The following SAMMSON variants were observed in gnomAD, a reference collection of about 807,000 sequenced individuals.
The protein encoded by SAMMSON is long intergenic non-protein coding RNA 1212.
chr3:70,304,002 A>G (rs1268150255), intron 7 of SAMMSON, among the ~76,000 whole-genome samples: 1 of 152,186 alleles, frequency 6.6e-6, no homozygotes, highest in Non-Finnish European at 1.5e-5. Context: ...TTTAGAGAAT[A>G]AAATGTAGTA....
chr3:70,000,636 C>A (rs1217254943), intron 1 of SAMMSON, among the ~76,000 whole-genome samples: 3 of 152,126 alleles, frequency 2.0e-5, no homozygotes, highest in Non-Finnish European at 2.9e-5. Context: ...TATTAGTTAA[C>A]AAATTCAAGT....
intron 4 of SAMMSON, among the ~76,000 whole-genome samples, chr3:70,243,435 CTCTT>C (rs1404922003): frequency 6.6e-6 from 1 of 152,166 alleles, no homozygotes; most frequent in Non-Finnish European, 1.5e-5. Flanking sequence ...CTGCACTGCT[CTCTT>C]TCTTTCAGAG....
chr3:70,167,956 C>T (rs1290157903), intron 4 of SAMMSON, among the ~76,000 whole-genome samples: 2 of 151,854 alleles, frequency 1.3e-5, no homozygotes, highest in South Asian at 2.1e-4. Context: ...ATGGAAAAGG[C>T]GACGGTTTTG....
intron 3 of SAMMSON, among the ~76,000 whole-genome samples, chr3:70,032,062 A>T (rs1313437980): frequency 6.6e-6 from 1 of 152,212 alleles, no homozygotes; most frequent in East Asian, 1.9e-4. Context: ...GCAAACTGGC[A>T]CACTCAATCA....
chr3:70,418,952 T>TTCCTTTCCTTTCCTG (rs1701286943), intron 2 of SAMMSON, among the ~76,000 whole-genome samples: 1 of 97,254 alleles, frequency 1.0e-5, no homozygotes. Flanking sequence ...TTCCTTTCCT[T>TTCCTTTCCTTTCCTG]TCCTTTCCTT....
At chr3:70,091,698 A>G (rs1349543866) in intron 4 of SAMMSON, among the ~76,000 whole-genome samples, 1 of 152,140 alleles carries the variant, frequency 6.6e-6, no homozygotes, top group Non-Finnish European at 1.5e-5. Context: ...GCTGGGAGTG[A>G]CAGGCAAATA....
chr3:70,289,811 C>T (rs1043192454), intron 6 of SAMMSON, among the ~76,000 whole-genome samples: 3 of 152,066 alleles, frequency 2.0e-5, no homozygotes, highest in Admixed American at 2.0e-4. Context: ...TCATTCATTT[C>T]ATCTTCCATT....
At position 70,320,356 on chromosome 3, in the gene SAMMSON, A is replaced by G. The variant is rs534039572; in HGVS notation, n.739+29113A>G. ...CTACCCAGGAGCAAAGCAAGGGGGG[A>G]ATTATTTTGCTCCAAAACCCTCTTT... On this transcript the variant is annotated intron_variant and non_coding_transcript_variant, in intron 7 of 9. Coordinates refer to ENST00000642114, the Ensembl canonical transcript of SAMMSON. 2.6e-5 allele frequency among the ~76,000 whole-genome samples: 4 copies of G among 152,126 alleles called. No homozygotes were observed. In the East Asian group the frequency reaches 7.8e-4, roughly 30 times the overall value.
At chr3:70,082,690 A>G (rs1208080178) in intron 4 of SAMMSON, among the ~76,000 whole-genome samples, 1 of 152,232 alleles carries the variant, frequency 6.6e-6, no homozygotes, top group Non-Finnish European at 1.5e-5. Context: ...TGAGCTGTGC[A>G]TTCTTGGGTA....
intron 3 of SAMMSON, among the ~76,000 whole-genome samples, chr3:70,034,765 A>C (rs9879984): frequency 0.046 from 7,050 of 152,164 alleles, 376 homozygotes; most frequent in African/African-American, 0.13. Context: ...AATTGCTTGA[A>C]TCTGGGAGGC....
At chr3:70,195,627 C>CA (rs1201865026) in intron 4 of SAMMSON, among the ~76,000 whole-genome samples, 1 of 152,080 alleles carries the variant, frequency 6.6e-6, no homozygotes, top group Admixed American at 6.5e-5. Context: ...AAATTACACA[C>CA]AAAAAAATTC....
At chr3:70,154,853 G>A (rs991420465) in intron 4 of SAMMSON, among the ~76,000 whole-genome samples, 1 of 151,952 alleles carries the variant, frequency 6.6e-6, no homozygotes, top group Non-Finnish European at 1.5e-5. Flanking sequence ...ATGGAGAGGG[G>A]CATCCCCAGG....
intron 7 of SAMMSON, among the ~76,000 whole-genome samples, chr3:70,348,367 C>T (rs1402710276): frequency 2.6e-5 from 4 of 152,128 alleles, no homozygotes; most frequent in African/African-American, 9.7e-5. Flanking sequence ...CAAGTTTTCA[C>T]AGTTGCAGAG....
chr3:70,433,095 A>G (rs1306398362), intron 2 of SAMMSON, among the ~76,000 whole-genome samples: 1 of 152,098 alleles, frequency 6.6e-6, no homozygotes, highest in Non-Finnish European at 1.5e-5. Context: ...AGCTACTTTC[A>G]ATTATGAATA....
intron 4 of SAMMSON, among the ~76,000 whole-genome samples, chr3:70,101,461 T>C (rs1030791291): frequency 6.6e-6 from 1 of 152,134 alleles, no homozygotes; most frequent in Admixed American, 6.5e-5. Context: ...ATTTACCTCG[T>C]TGTTTACATA....
At chr3:70,166,529 C>A (rs1265339594) in intron 4 of SAMMSON, among the ~76,000 whole-genome samples, 2 of 152,002 alleles carry the variant, frequency 1.3e-5, no homozygotes, top group African/African-American at 4.8e-5. Flanking sequence ...GCACCCGTAT[C>A]CTCCATGGCA....
intron 4 of SAMMSON, among the ~76,000 whole-genome samples, chr3:70,115,569 A>T (rs1234792894): frequency 6.6e-6 from 1 of 152,148 alleles, no homozygotes; most frequent in African/African-American, 2.4e-5. Flanking sequence ...GCCAACGTGG[A>T]TTCTCTTTCT....
At chr3:70,272,270 G>T (rs897404105) in intron 6 of SAMMSON, 1 of 151,108 alleles carries the variant, frequency 6.6e-6, no homozygotes, top group African/African-American at 2.4e-5. Flanking sequence ...GCTCCTTTAC[G>T]CTCCTTTGCA....
At chr3:70,279,311 C>T (rs1702057599) in intron 6 of SAMMSON, among the ~76,000 whole-genome samples, 1 of 152,018 alleles carries the variant, frequency 6.6e-6, no homozygotes, top group Admixed American at 6.6e-5. Flanking sequence ...CATCCTTGAA[C>T]ACATATGGAG....
Sources: allele counts gnomAD v4.1 joint callset (sites outside exome capture counted in the v4.1 genomes callset), GRCh38; gene constraint gnomAD v4.1.1; transcripts MANE v1.5; gene names NCBI Gene and HGNC (gene_info 2026-07-23, HGNC 2026-07-21).